The following FSTL5 variants were observed in gnomAD, a reference collection of about 807,000 sequenced individuals.
FSTL5 encodes follistatin-related protein 5.
In FSTL5, 62 loss-of-function variants were observed where a neutral mutation model predicts 89.1. The ratio of observed to expected loss-of-function variants is 0.70; its 90% CI spans 0.57 to 0.86. The LOEUF is 0.86. FSTL5 is among the 40% of genes least tolerant of loss of function. FSTL5 has a pLI of 0.00. For synonymous variants in FSTL5, 383 were observed against 346.2 expected (o/e 1.11, Z -1.18); for missense variants, 1,057 against 1,001.6 (o/e 1.06, Z -0.75).
chr4:161,384,488 A>T lies in FSTL5; in HGVS notation c.*1259T>A, dbSNP rs754064875. On this transcript the variant is annotated 3_prime_UTR_variant, in exon 16 of 16. Transcript: ENST00000306100. The stretch of plus-strand genomic sequence containing the variant: ...CCTCTTAAAACAAAACAGAAGCAAC[A>T]ATTTTTACTTTTCTACAGTGTCTCA... 2.0e-5 allele frequency: 3 copies of T among 152,128 alleles called. No homozygotes were observed. The highest frequency in any genetic ancestry group is 4.4e-5 in the Non-Finnish European group (3 of 67,988). 9.4% of individuals were successfully genotyped at this position (152,128 alleles called of 1,614,324 possible). A position where few individuals can be genotyped will look rare whatever the true frequency, so the allele number is the denominator to read the frequency against.
chr4:161,424,024 CTTTTTTTTTTTT>C (rs11287729), intron 15 of FSTL5, among the ~76,000 whole-genome samples: 2 of 75,378 alleles, frequency 2.7e-5, no homozygotes, highest in African/African-American at 1.1e-4. Context: ...GCCCATCATT[CTTTTTTTTTTTT>C]TTTTTTTTTT....
chr4:161,627,576 G>T (rs1200234823), intron 7 of FSTL5, among the ~76,000 whole-genome samples: 1 of 152,014 alleles, frequency 6.6e-6, no homozygotes. Context: ...TAGAAAATGT[G>T]TTTTTGTTAG....
At chr4:162,125,526 C>CT (rs1276893389) in intron 1 of FSTL5, among the ~76,000 whole-genome samples, 1 of 151,998 alleles carries the variant, frequency 6.6e-6, no homozygotes, top group African/African-American at 2.4e-5. Context: ...TTTAAGTTCT[C>CT]TATTTGTTTC....
chr4:161,993,628 A>G (rs1270458059), intron 3 of FSTL5, among the ~76,000 whole-genome samples: 1 of 152,080 alleles, frequency 6.6e-6, no homozygotes, highest in Admixed American at 6.5e-5. Context: ...CTGTAAATAT[A>G]GGACTTATCC....
At position 161,386,670 on chromosome 4, in the gene FSTL5, T is replaced by C. The variant is rs17396646; in HGVS notation, c.1842-221A>G. ...ATCCAAATCATCATAACTCATGCTG[T>C]AGAAAGAAAAATAATTAAAAGCAAT... On this transcript the variant is annotated intron_variant, in intron 15 of 15. Coordinates refer to ENST00000306100, the MANE Select transcript of FSTL5 (RefSeq NM_020116.5). The C allele has an allele frequency of 0.096, 47,502 of 495,520 alleles. 2,745 individuals are homozygous for C. Among genetic ancestry groups the C allele is most frequent in the Non-Finnish European group, 0.13 (35,822 of 280,086 alleles). The allele number at this position is 495,520 out of a possible 1,614,324, so 30.7% of individuals were successfully genotyped here. A position where few individuals can be genotyped will look rare whatever the true frequency, so the allele number is the denominator to read the frequency against.
intron 9 of FSTL5, among the ~76,000 whole-genome samples, 197 bp from the exon 10 acceptor site, chr4:161,538,497 G>T (rs544532955): frequency 7.9e-5 from 12 of 152,020 alleles, no homozygotes; most frequent in Non-Finnish European, 1.8e-4. Flanking sequence ...TTCTATAAGA[G>T]AGCCCAATAC....
intron 1 of FSTL5, among the ~76,000 whole-genome samples, chr4:162,123,386 A>G (rs1731943733): frequency 6.6e-6 from 1 of 152,178 alleles, no homozygotes; most frequent in African/African-American, 2.4e-5. Context: ...TTAAGACCCA[A>G]GATATTTTCC....
chr4:161,887,076 A>T (rs1732830076), intron 4 of FSTL5, among the ~76,000 whole-genome samples: 1 of 152,188 alleles, frequency 6.6e-6, no homozygotes, highest in African/African-American at 2.4e-5. Context: ...ATGTCTGTGT[A>T]ACAAATTCTC....
At chr4:161,879,871 T>G (rs184298159) in intron 4 of FSTL5, among the ~76,000 whole-genome samples, 4 of 152,338 alleles carry the variant, frequency 2.6e-5, no homozygotes, top group Admixed American at 2.6e-4. Context: ...TCTATAATAT[T>G]TCCTTAAATC....
chr4:161,450,961 G>T (rs1733143172), intron 15 of FSTL5, among the ~76,000 whole-genome samples: 1 of 151,938 alleles, frequency 6.6e-6, no homozygotes, highest in Admixed American at 6.6e-5. Context: ...AGCCAGGATG[G>T]TCTCGATCTC....
At chr4:161,972,734 C>A (rs774835939) in intron 3 of FSTL5, among the ~76,000 whole-genome samples, 3 of 152,182 alleles carry the variant, frequency 2.0e-5, no homozygotes, top group Non-Finnish European at 2.9e-5. Flanking sequence ...TTAAACTTTG[C>A]CACATCTTTT....
chr4:161,467,418 T>C (rs777761529), intron 13 of FSTL5, among the ~76,000 whole-genome samples: 16 of 152,128 alleles, frequency 1.1e-4, no homozygotes, highest in Non-Finnish European at 1.9e-4. Flanking sequence ...TGAGAATTGA[T>C]GCTTTACTTT....
intron 6 of FSTL5, among the ~76,000 whole-genome samples, chr4:161,743,539 T>A (rs1271944593): frequency 6.6e-6 from 1 of 152,140 alleles, no homozygotes; most frequent in Non-Finnish European, 1.5e-5. Context: ...TAGGACTCCA[T>A]GCGATTCCAT....
intron 15 of FSTL5, among the ~76,000 whole-genome samples, chr4:161,418,653 A>G (rs893845648): frequency 1.3e-5 from 2 of 152,218 alleles, no homozygotes; most frequent in Non-Finnish European, 2.9e-5. Flanking sequence ...TTTTATTTAG[A>G]AGACTGGTGA....
intron 8 of FSTL5, among the ~76,000 whole-genome samples, chr4:161,585,812 C>T (rs532892290): frequency 2.6e-5 from 4 of 152,180 alleles, no homozygotes; most frequent in South Asian, 4.2e-4. Context: ...CTTGTCCTAC[C>T]CTCTCAAGAT....
intron 2 of FSTL5, among the ~76,000 whole-genome samples, chr4:162,066,525 A>G (rs1478071903): frequency 6.7e-6 from 1 of 149,128 alleles, no homozygotes; most frequent in African/African-American, 2.5e-5. Context: ...TCAATCCATG[A>G]TCTAGGTTTT....
rs762953589 is a variant in FSTL5 at position 161,569,790 on chromosome 4, CACACACACA to C, written c.1015+17656_1015+17664del. ...ACACACACACACACACACACACACA[CACACACACA>C]CCCCACATTGTGGCTCTAAGGACTA... On this transcript the variant is annotated intron_variant, in intron 8 of 15. Transcript: ENST00000306100. 4.1e-4 allele frequency among the ~76,000 whole-genome samples: 57 copies of C among 140,490 alleles called. 1 individual carries two copies. The Middle Eastern group carries it at 0.018, about 45-fold the overall frequency. 92.2% of individuals were successfully genotyped at this position (140,490 alleles called of 152,430 possible). A position where few individuals can be genotyped will look rare whatever the true frequency, so the allele number is the denominator to read the frequency against.
intron 6 of FSTL5, among the ~76,000 whole-genome samples, chr4:161,718,792 T>C (rs1227068695): frequency 6.6e-6 from 1 of 152,146 alleles, no homozygotes; most frequent in Non-Finnish European, 1.5e-5. Context: ...TCTCTATATA[T>C]ATATCTATAA....
At chr4:162,019,306 A>C (rs1293062304) in intron 3 of FSTL5, among the ~76,000 whole-genome samples, 1 of 152,092 alleles carries the variant, frequency 6.6e-6, no homozygotes, top group African/African-American at 2.4e-5. Context: ...CTCATTTTTC[A>C]ATTCATTATG....
Sources: gnomAD v4.1 joint callset for allele counts (sites outside exome capture counted in the v4.1 genomes callset) on GRCh38, gnomAD v4.1.1 for gene constraint, MANE v1.5 for transcripts, NCBI Gene and HGNC (gene_info 2026-07-23, HGNC 2026-07-21) for gene names.